The following PCLO variants were observed in gnomAD, a reference collection of about 807,000 sequenced individuals.
PCLO encodes piccolo presynaptic cytomatrix protein, also known as protein piccolo.
A neutral mutation model predicts 427.5 loss-of-function variants in PCLO; 82 were observed. The ratio of observed to expected loss-of-function variants is 0.19; its 90% CI spans 0.16 to 0.23. The LOEUF is 0.23. PCLO is among the 10% of genes least tolerant of loss of function. The probability of loss-of-function intolerance (pLI) is 1.00; values close to 1 mark genes in which losing one functional copy is unlikely to be tolerated. For missense variants in PCLO, 6,239 were observed against 6,115.9 expected, an observed-to-expected ratio of 1.02 and a Z score of -0.67; for synonymous variants, 2,357 against 2,155.4, an observed-to-expected ratio of 1.09 and a Z score of -2.59.
At chr7:82,933,403 G>A (rs916357977) in intron 6 of PCLO, among the ~76,000 whole-genome samples, 1 of 151,770 alleles carries the variant, frequency 6.6e-6, no homozygotes, top group Non-Finnish European at 1.5e-5. Context: ...TCCTTATACT[G>A]GGTACTTTCA....
At chr7:83,032,695 C>T (rs1473852969) in intron 3 of PCLO, among the ~76,000 whole-genome samples, 3 of 152,126 alleles carry the variant, frequency 2.0e-5, no homozygotes, top group Admixed American at 2.0e-4. Flanking sequence ...TATGGTGTCA[C>T]CATTTTCAAA....
chr7:83,069,222 C>T (rs576199421), intron 3 of PCLO, among the ~76,000 whole-genome samples: 5 of 151,944 alleles, frequency 3.3e-5, no homozygotes, highest in African/African-American at 9.7e-5. Context: ...CACTCCCATA[C>T]AAAAAAAATC....
At chr7:83,051,432 A>G (rs879905716) in intron 3 of PCLO, among the ~76,000 whole-genome samples, 5 of 152,174 alleles carry the variant, frequency 3.3e-5, no homozygotes, top group Non-Finnish European at 5.9e-5. Flanking sequence ...AGAATTTGAA[A>G]TAAAGAACTT....
rs951116116 is a variant in PCLO at position 83,109,597 on chromosome 7, A to G, written c.3300+24653T>C. ...TGTTTTAGCTACCTACCCATATGCT[A>G]CTTCTGTGACATTAACATTATACTG... is the stretch of plus-strand genomic sequence containing the variant. On this transcript the variant is annotated intron_variant, in intron 3 of 24. Coordinates refer to ENST00000333891, the MANE Select transcript of PCLO (RefSeq NM_033026.6). 4.6e-5 allele frequency among the ~76,000 whole-genome samples: 7 copies of G among 152,244 alleles called. No individual in the cohort carries two copies. The East Asian group carries it at 1.4e-3, about 29-fold the overall frequency.
chr7:82,967,701 G>T (rs144126082), intron 3 of PCLO, among the ~76,000 whole-genome samples: 2 of 152,224 alleles, frequency 1.3e-5, no homozygotes, highest in East Asian at 3.9e-4. Flanking sequence ...TAGAACAAAT[G>T]ATCACCTAGG....
At chr7:83,016,583 T>C (rs1420952926) in intron 3 of PCLO, among the ~76,000 whole-genome samples, 1 of 152,078 alleles carries the variant, frequency 6.6e-6, no homozygotes, top group Non-Finnish European at 1.5e-5. Context: ...CTCTAGAGAC[T>C]AGAGATGACG....
intron 3 of PCLO, among the ~76,000 whole-genome samples, chr7:83,117,616 C>T (rs943923508): frequency 9.9e-5 from 15 of 152,154 alleles, no homozygotes; most frequent in African/African-American, 3.6e-4. Context: ...GCTGAGTGTT[C>T]TTCACCTGTG....
At chr7:83,083,004 T>C (rs1790141270) in intron 3 of PCLO, among the ~76,000 whole-genome samples, 1 of 151,766 alleles carries the variant, frequency 6.6e-6, no homozygotes. Flanking sequence ...AGAATTCTCA[T>C]AAATCAGTGG....
chr7:83,129,582 C>T (rs995599144), intron 3 of PCLO, among the ~76,000 whole-genome samples: 15 of 152,100 alleles, frequency 9.9e-5, no homozygotes, highest in Non-Finnish European at 2.1e-4. Context: ...AGGTCCTCAT[C>T]CCTTGATGTA....
At chr7:82,942,673 A>G (rs1009568805) in intron 6 of PCLO, among the ~76,000 whole-genome samples, 6 of 152,140 alleles carry the variant, frequency 3.9e-5, no homozygotes, top group Non-Finnish European at 8.8e-5. Flanking sequence ...TAATGACCAT[A>G]AATTATTTTA....
chr7:83,109,371 T>A (rs1790945802), intron 3 of PCLO, among the ~76,000 whole-genome samples: 1 of 152,178 alleles, frequency 6.6e-6, no homozygotes, highest in African/African-American at 2.4e-5. Context: ...TGGGAAGTGA[T>A]ATGTTCCCCA....
intron 6 of PCLO, among the ~76,000 whole-genome samples, chr7:82,943,968 G>T (rs1415374701): frequency 2.6e-5 from 4 of 151,368 alleles, no homozygotes; most frequent in Non-Finnish European, 5.9e-5. Context: ...GACCAGCCTG[G>T]CCAACATCTC....
At chr7:83,113,180 C>A (rs1264651698) in intron 3 of PCLO, among the ~76,000 whole-genome samples, 1 of 152,178 alleles carries the variant, frequency 6.6e-6, no homozygotes, top group Non-Finnish European at 1.5e-5. Flanking sequence ...ATCATCATAT[C>A]ATTTTACAGA....
intron 22 of PCLO, among the ~76,000 whole-genome samples, chr7:82,771,748 T>C (rs73708634): frequency 0.063 from 9,654 of 152,106 alleles, 711 homozygotes; most frequent in African/African-American, 0.18. Flanking sequence ...TTCATGTGTG[T>C]ACTCCTAGGC....
rs1212653847 is a variant in PCLO, at chr7:83,057,366, T to A, written c.3300+76884A>T. On this transcript the variant is annotated intron_variant, in intron 3 of 24. Coordinates refer to ENST00000333891, the MANE Select transcript of PCLO (RefSeq NM_033026.6). ...TATATATATTTTTTTTTTTTTTTTT[T>A]TTTTTTTTTTTTTGAGGCAGAGTCT... Among the ~76,000 whole-genome samples, 117 of 77,486 alleles carry A rather than the reference T, an allele frequency of 1.5e-3. 1 individual carries two copies. The highest frequency in any genetic ancestry group is 2.9e-3 in the Non-Finnish European group (110 of 38,346). 50.8% of individuals were successfully genotyped at this position (77,486 alleles called of 152,430 possible).
Position 82,827,977 on chromosome 7 carries a change from A to C in PCLO, c.14250-11T>G. ...CTCTTGTACTCAGCACTGAATTGGG[A>C]GAAAAGAAAGAGTTATCTTGATTAT... is the stretch of plus-strand genomic sequence containing the variant. On this transcript the variant is annotated splice_polypyrimidine_tract_variant and intron_variant, in intron 16 of 24. Transcript: ENST00000333891. The C allele has an allele frequency of 6.8e-7, 1 of 1,479,070 alleles. No homozygotes were observed. The highest frequency in any genetic ancestry group is 1.2e-5 in the South Asian group (1 of 86,904). The allele number at this position is 1,479,070 out of a possible 1,614,324, so 91.6% of individuals were successfully genotyped here.
intron 1 of PCLO, among the ~76,000 whole-genome samples, 169 bp from the exon 2 acceptor site, chr7:83,156,561 C>CT (rs571082985): frequency 6.6e-6 from 1 of 151,150 alleles, no homozygotes; most frequent in Non-Finnish European, 1.5e-5. Context: ...AGTTTTAATG[C>CT]TTTTTTTTCT....
At chr7:82,808,473 A>G (rs1380768284) in intron 20 of PCLO, among the ~76,000 whole-genome samples, 2 of 151,978 alleles carry the variant, frequency 1.3e-5, no homozygotes, top group African/African-American at 4.8e-5. Context: ...ATAAGAAGAA[A>G]GAAACAAAGC....
intron 16 of PCLO, among the ~76,000 whole-genome samples, chr7:82,830,485 G>A (rs1289027935): frequency 2.6e-5 from 4 of 151,918 alleles, no homozygotes; most frequent in African/African-American, 7.2e-5. Flanking sequence ...AAGAATTAGT[G>A]ACGACTTTTA....
Sources: allele counts gnomAD v4.1 joint callset (sites outside exome capture counted in the v4.1 genomes callset), GRCh38; gene constraint gnomAD v4.1.1; transcripts MANE v1.5; gene names NCBI Gene and HGNC (gene_info 2026-07-23, HGNC 2026-07-21).